The following CSMD1 variants were observed in gnomAD, a reference collection of about 807,000 sequenced individuals.
CSMD1 encodes the protein CUB and Sushi multiple domains 1.
CSMD1 carries 213 observed loss-of-function variants against 417.5 expected under a neutral mutation model. The ratio of observed to expected loss-of-function variants is 0.51; its 90% CI spans 0.46 to 0.57. CSMD1 has a LOEUF of 0.57. Ranked by LOEUF, CSMD1 falls within the 20% of genes least tolerant of loss-of-function variation. The probability of loss-of-function intolerance (pLI) is 0.00; values close to 1 mark genes in which losing one functional copy is unlikely to be tolerated. For synonymous variants in CSMD1, 2,862 were observed against 1,736.8 expected (o/e 1.65, Z -16.11); for missense variants, 6,923 against 4,529.7 (o/e 1.53, Z -15.17).
Position 3,777,395 on chromosome 8 carries a change from C to A in CSMD1, c.819-23353G>T, listed in dbSNP as rs151027004. 8.7e-3 allele frequency among the ~76,000 whole-genome samples: 1,322 copies of A among 152,198 alleles called. 15 individuals are homozygous for A. The highest frequency in any genetic ancestry group is 0.024 in the South Asian group (116 of 4,816). On this transcript the variant is annotated intron_variant, in intron 5 of 69. Coordinates refer to ENST00000635120, the MANE Select transcript of CSMD1 (RefSeq NM_033225.6). Reference sequence around the variant, plus strand: ...CTGCTGCAGGATACTTGCATGGCCCCCTCCACTGCTCTTGCACCTGGGGCA... The same window carrying A: ...CTGCTGCAGGATACTTGCATGGCCCACTCCACTGCTCTTGCACCTGGGGCA...
intron 1 of CSMD1, among the ~76,000 whole-genome samples, chr8:4,904,715 G>A (rs529967594): frequency 7.9e-5 from 12 of 152,054 alleles, no homozygotes; most frequent in Non-Finnish European, 1.5e-5. Flanking sequence ...AAGTAACACA[G>A]GTAAATGTGA....
chr8:3,180,309 C>T (rs971912148), intron 37 of CSMD1, among the ~76,000 whole-genome samples: 2 of 152,154 alleles, frequency 1.3e-5, no homozygotes, highest in Admixed American at 6.5e-5. Flanking sequence ...CTGTGCGATG[C>T]CTTCCTCCAA....
intron 5 of CSMD1, among the ~76,000 whole-genome samples, chr8:3,986,233 G>C (rs1373970768): frequency 2.6e-5 from 4 of 152,148 alleles, no homozygotes; most frequent in Non-Finnish European, 5.9e-5. Flanking sequence ...GATGGAGGAA[G>C]AGCTTTATAA....
At chr8:3,869,710 A>G (rs573440641) in intron 5 of CSMD1, among the ~76,000 whole-genome samples, 1 of 152,188 alleles carries the variant, frequency 6.6e-6, no homozygotes, top group South Asian at 2.1e-4. Flanking sequence ...GCATGTGGGG[A>G]AGCTCATCCT....
intron 12 of CSMD1, among the ~76,000 whole-genome samples, chr8:3,454,429 A>G (rs1394245107): frequency 6.6e-6 from 1 of 152,154 alleles, no homozygotes; most frequent in African/African-American, 2.4e-5. Context: ...ACAATTTGGC[A>G]TGTTTTTGCA....
At chr8:3,667,864 A>G (rs1798784286) in intron 7 of CSMD1, among the ~76,000 whole-genome samples, 1 of 152,188 alleles carries the variant, frequency 6.6e-6, no homozygotes, top group African/African-American at 2.4e-5. Flanking sequence ...ATCGTGAAAT[A>G]GCAGTGAGTA....
At chr8:4,833,562 T>C (rs970701422) in intron 1 of CSMD1, among the ~76,000 whole-genome samples, 1 of 152,242 alleles carries the variant, frequency 6.6e-6, no homozygotes, top group Non-Finnish European at 1.5e-5. Context: ...TAAGTCATTA[T>C]AATAAACTGT....
At chr8:3,268,504 T>C (rs931604777) in intron 26 of CSMD1, among the ~76,000 whole-genome samples, 4 of 151,872 alleles carry the variant, frequency 2.6e-5, no homozygotes, top group Non-Finnish European at 4.4e-5. Flanking sequence ...TTAGCCAGGA[T>C]GGTCTCAATT....
At chr8:4,063,125 A>T (rs145926838) in intron 3 of CSMD1, among the ~76,000 whole-genome samples, 41 of 152,264 alleles carry the variant, frequency 2.7e-4, no homozygotes, top group African/African-American at 9.1e-4. Flanking sequence ...CTAATAATTT[A>T]TTGTGTATTT....
chr8:3,857,548 C>T (rs1233310814), intron 5 of CSMD1, among the ~76,000 whole-genome samples: 2 of 152,170 alleles, frequency 1.3e-5, no homozygotes, highest in Non-Finnish European at 2.9e-5. Context: ...CTGGAAATGG[C>T]AGAGTCGTCT....
rs1801656629 is a variant in CSMD1, at chr8:2,938,651, T to C, written c.10629A>G (p.Leu3543=). ...SFENPMYDTN[L]KPTEAKAVRF... is the part of the protein sequence containing the mutation. Reference sequence around the variant, plus strand: ...TCACAGCCTTGGCTTCTGTGGGTTTTAAGTTTGTATCATACATGGGGTTTT... The same window carrying C: ...TCACAGCCTTGGCTTCTGTGGGTTTCAAGTTTGTATCATACATGGGGTTTT... The change falls in exon 70 of 70, where the codon TTA becomes TTG. Residue 3543 remains leucine, a synonymous_variant. Coordinates refer to ENST00000635120, the MANE Select transcript of CSMD1 (RefSeq NM_033225.6). 1 of 1,611,784 alleles carries C rather than the reference T, an allele frequency of 6.2e-7. No individual in the cohort carries two copies. The highest frequency in any genetic ancestry group is 8.5e-7 in the Non-Finnish European group (1 of 1,178,902).
At chr8:4,564,107 G>C (rs139296066) in intron 2 of CSMD1, among the ~76,000 whole-genome samples, 29 of 152,134 alleles carry the variant, frequency 1.9e-4, no homozygotes, top group African/African-American at 6.7e-4. Context: ...ATGAGATAAT[G>C]GTCTTCCAAT....
chr8:3,110,193 T>C lies in CSMD1; in HGVS notation c.6573A>G (p.Leu2191=). The C allele has an allele frequency of 6.2e-7, 1 of 1,612,658 alleles. No individual in the cohort carries two copies. The highest frequency in any genetic ancestry group is 8.5e-7 in the Non-Finnish European group (1 of 1,179,392). The change falls in exon 43 of 70, where the codon TTA becomes TTG. Residue 2191 remains leucine, a synonymous_variant. Coordinates refer to ENST00000635120, the MANE Select transcript of CSMD1 (RefSeq NM_033225.6). ...TGTAATCGTTGACAGCTTCCGTCTGTAACAGGGTGAAGTTGATGTAAACTC... is the reference window on the plus strand; with the variant it reads ...TGTAATCGTTGACAGCTTCCGTCTGCAACAGGGTGAAGTTGATGTAAACTC... ...GHGVYINFTL[L]QTEAVNDYIA...
At chr8:4,419,912 T>G in intron 3 of CSMD1, 41 bp downstream of exon 3, 3 of 1,269,852 alleles carry the variant, frequency 2.4e-6, no homozygotes, top group Non-Finnish European at 3.4e-6. Context: ...TTAGATCATT[T>G]GGACAGTGAA....
chr8:3,333,654 C>T (rs955787148), intron 23 of CSMD1, among the ~76,000 whole-genome samples: 4 of 152,140 alleles, frequency 2.6e-5, no homozygotes, highest in Admixed American at 6.5e-5. Context: ...TGTGGATTTA[C>T]GTGCAGGCTG....
At chr8:4,566,166 G>T (rs1798597038) in intron 2 of CSMD1, among the ~76,000 whole-genome samples, 1 of 152,068 alleles carries the variant, frequency 6.6e-6, no homozygotes. Context: ...TATCAGCACT[G>T]AATGATGAGA....
In CSMD1 at chr8:4,051,879, T is replaced by TTCCTTC. The variant is rs1563058796; in HGVS notation, c.416-19781_416-19780insGAAGGA. On this transcript the variant is annotated intron_variant, in intron 3 of 69. Transcript: ENST00000635120. ...CTCTTTCTTTCTTTCCTTCCTCCTTTCTTCCTTCCTTCCTTCCTTCCTTCC... is the reference window on the plus strand; with the variant it reads ...CTCTTTCTTTCTTTCCTTCCTCCTTTTCCTTCCTTCCTTCCTTCCTTCCTTCCTTCC... Among the ~76,000 whole-genome samples, 208 of 61,936 alleles carry TTCCTTC rather than the reference T, an allele frequency of 3.4e-3. 1 individual carries two copies. The highest frequency in any genetic ancestry group is 8.7e-3 in the African/African-American group (192 of 22,172). The allele number at this position is 61,936 out of a possible 152,430, so 40.6% of individuals were successfully genotyped here.
intron 25 of CSMD1, among the ~76,000 whole-genome samples, chr8:3,302,276 A>G (rs1406730027): frequency 6.6e-6 from 1 of 152,144 alleles, no homozygotes; most frequent in African/African-American, 2.4e-5. Context: ...AAATAACTCT[A>G]GAAGTTTCTT....
chr8:4,291,345 T>C (rs138223124), intron 3 of CSMD1, among the ~76,000 whole-genome samples: 86 of 152,244 alleles, frequency 5.6e-4, no homozygotes, highest in Middle Eastern at 3.4e-3. Flanking sequence ...TTTAAATTGA[T>C]AAATTACATA....
Sources: gnomAD v4.1 joint callset for allele counts (sites outside exome capture counted in the v4.1 genomes callset) on GRCh38, gnomAD v4.1.1 for gene constraint, MANE v1.5 for transcripts, NCBI Gene and HGNC (gene_info 2026-07-23, HGNC 2026-07-21) for gene names.